Variants in SUB1 observed in about 807,000 individuals in gnomAD.
SUB1 encodes SUB1 regulator of transcription, also known as activated RNA polymerase II transcriptional coactivator p15.
A neutral mutation model predicts 16.9 loss-of-function variants in SUB1; 1 was observed. The observed-to-expected ratio is 0.06, with a 90% CI of 0.02 to 0.28. SUB1 has a LOEUF of 0.28. Ranked by LOEUF, SUB1 falls within the 10% of genes least tolerant of loss-of-function variation. SUB1 has a pLI of 1.00. For synonymous variants in SUB1, 51 were observed against 46.9 expected (o/e 1.09, Z -0.36); for missense variants, 84 against 145.2 (o/e 0.58, Z 2.16).
rs777196615 is a variant in SUB1, at chr5:32,601,093, C to T, written c.*9C>T. 2.5e-6 allele frequency: 4 copies of T among 1,607,458 alleles called. No homozygotes were observed. The highest frequency in any genetic ancestry group is 1.1e-5 in the South Asian group (1 of 90,862). ...CAGTAAGAAAACTGTAAAATTCGAGCCATATAAATAAAACCTGTACTGTTC... is the reference window on the plus strand; with the variant it reads ...CAGTAAGAAAACTGTAAAATTCGAGTCATATAAATAAAACCTGTACTGTTC... On this transcript the variant is annotated 3_prime_UTR_variant, in exon 5 of 5. Transcript: ENST00000265073.
At chr5:32,592,460 CTTGT>C (rs1738852629) in intron 3 of SUB1, among the ~76,000 whole-genome samples, 1 of 152,070 alleles carries the variant, frequency 6.6e-6, no homozygotes, top group Non-Finnish European at 1.5e-5. Context: ...GGTTTCCTGT[CTTGT>C]TTTAGGGAGA....
At chr5:32,597,426 C>G (rs890803464) in intron 3 of SUB1, 1 of 151,186 alleles carries the variant, frequency 6.6e-6, no homozygotes, top group Non-Finnish European at 1.5e-5. Flanking sequence ...TCTATTCCAC[C>G]CCCCCTCTCC....
At position 32,591,633 on chromosome 5, in the gene SUB1, C is replaced by T; in HGVS notation, c.143C>T (p.Ala48Val). Reference sequence around the variant, plus strand: ...CAAAAGACAGGTGAGACTTCGAGAGCCCTGTCATCTTCTAAACAGAGCAGC... The same window carrying T: ...CAAAAGACAGGTGAGACTTCGAGAGTCCTGTCATCTTCTAAACAGAGCAGC... ...KKQKTGETSRALSSSKQSSSS... is the reference protein window; with the variant it reads ...KKQKTGETSRVLSSSKQSSSS... The change falls in exon 3 of 5, where the codon GCC becomes GTC. Residue 48 changes from alanine (A) to valine (V), a missense_variant. Transcript: ENST00000265073. The T allele has an allele frequency of 6.2e-7, 1 of 1,609,658 alleles. No individual in the cohort carries two copies. The highest frequency in any genetic ancestry group is 8.5e-7 in the Non-Finnish European group (1 of 1,178,388).
At position 32,603,618 on chromosome 5, in the gene SUB1, A is replaced by G. The variant is rs569708134; in HGVS notation, c.*2534A>G. 2.1e-4 allele frequency: 32 copies of G among 152,264 alleles called. No homozygotes were observed. The highest frequency in any genetic ancestry group is 3.4e-3 in the Middle Eastern group (1 of 294). 9.4% of individuals were successfully genotyped at this position (152,264 alleles called of 1,614,324 possible). A position where few individuals can be genotyped will look rare whatever the true frequency, so the allele number is the denominator to read the frequency against. The stretch of plus-strand genomic sequence containing the variant: ...TGCCTAAGAACTTAAGAATACTCCT[A>G]CCTCATTAGCTACTCAAGATGCTGT... On this transcript the variant is annotated 3_prime_UTR_variant, in exon 5 of 5. Transcript: ENST00000265073.
rs750287214 is a variant in SUB1 at position 32,594,647 on chromosome 5, G to A, written c.195+2962G>A. The stretch of plus-strand genomic sequence containing the variant: ...GGTGTGTGAGTGAACATTGCAGCCC[G>A]AGCTCTGCCTCCTGTCAGATCAGCA... On this transcript the variant is annotated intron_variant, in intron 3 of 4. Coordinates refer to ENST00000265073, the MANE Select transcript of SUB1 (RefSeq NM_006713.4). 48 of 451,612 alleles carry A rather than the reference G, an allele frequency of 1.1e-4. No homozygotes were observed. In the East Asian group the frequency reaches 3.3e-3, roughly 31 times the overall value. The allele number at this position is 451,612 out of a possible 1,614,324, so 28.0% of individuals were successfully genotyped here.
intron 2 of SUB1, among the ~76,000 whole-genome samples, chr5:32,589,987 C>G (rs114144594): frequency 0.013 from 2,025 of 152,130 alleles, 54 homozygotes; most frequent in African/African-American, 0.047. Flanking sequence ...AATAAGGCTT[C>G]AAAGACTATA....
intron 3 of SUB1, chr5:32,597,804 T>C (rs772651114): frequency 7.2e-5 from 11 of 152,184 alleles, no homozygotes; most frequent in Non-Finnish European, 1.0e-4. Context: ...AGTTAACATA[T>C]ATTTGTATGT....
chr5:32,590,175 C>T (rs962676172), intron 2 of SUB1, among the ~76,000 whole-genome samples: 12 of 152,098 alleles, frequency 7.9e-5, no homozygotes, highest in African/African-American at 2.9e-4. Context: ...TTGTTTGTCC[C>T]AAATAGTAAT....
intron 2 of SUB1, among the ~76,000 whole-genome samples, chr5:32,590,494 A>ATT (rs769991776): frequency 2.1e-5 from 3 of 142,810 alleles, no homozygotes; most frequent in Non-Finnish European, 3.1e-5. Flanking sequence ...GTCTACAATG[A>ATT]TTTTTTTTTT....
chr5:32,596,222 T>A (rs1738959967), intron 3 of SUB1: 1 of 152,246 alleles, frequency 6.6e-6, no homozygotes, highest in African/African-American at 2.4e-5. Flanking sequence ...AATGAGGTCC[T>A]CACGGATTCT....
rs552165422 is a variant in SUB1 at position 32,599,128 on chromosome 5, A to C, written c.304+59A>C. 6 of 1,260,014 alleles carry C rather than the reference A, an allele frequency of 4.8e-6. No individual in the cohort carries two copies. In the African/African-American group the frequency reaches 9.0e-5, roughly 19 times the overall value. 78.1% of individuals were successfully genotyped at this position (1,260,014 alleles called of 1,614,324 possible). On this transcript the variant is annotated intron_variant, in intron 4 of 4. Coordinates refer to ENST00000265073, the MANE Select transcript of SUB1 (RefSeq NM_006713.4). ...TTAGGACTAAACGACAACTTTTCTG[A>C]GTAGCTTACTTGAAATGTTGGCAGG...
chr5:32,585,664 C>T (rs1476453825), intron 1 of SUB1, 39 bp downstream of exon 1: 2 of 152,380 alleles, frequency 1.3e-5, no homozygotes, highest in African/African-American at 2.4e-5. Flanking sequence ...TCCTCGGGGC[C>T]CCCACCCTCC....
intron 2 of SUB1, among the ~76,000 whole-genome samples, chr5:32,589,853 CTT>C (rs72415836): frequency 0.075 from 11,235 of 149,614 alleles, 1,146 homozygotes; most frequent in African/African-American, 0.23. Context: ...GGCTCCCTAT[CTT>C]TTTTTTTTCC....
intron 3 of SUB1, among the ~76,000 whole-genome samples, chr5:32,593,697 C>CTTTT (rs888452800): frequency 2.1e-5 from 3 of 143,434 alleles, no homozygotes; most frequent in African/African-American, 7.6e-5. Context: ...GTCATCTTTT[C>CTTTT]TTTTTTTTTT....
In SUB1 at chr5:32,585,607, T is replaced by G. The variant is rs1738631383; in HGVS notation, c.-20T>G. 6.6e-6 allele frequency: 1 copy of G among 152,248 alleles called. No individual in the cohort carries two copies. The highest frequency in any genetic ancestry group is 2.4e-5 in the African/African-American group (1 of 41,458). 9.4% of individuals were successfully genotyped at this position (152,248 alleles called of 1,614,324 possible). A position where few individuals can be genotyped will look rare whatever the true frequency, so the allele number is the denominator to read the frequency against. On this transcript the variant is annotated 5_prime_UTR_variant, in exon 1 of 5. Transcript: ENST00000265073. ...GCGAACGACCAAGAGGGTGTTCGAC[T>G]GCTAGAGCCGAGCGAAGCGTGAGTG...
intron 4 of SUB1, among the ~76,000 whole-genome samples, chr5:32,599,595 G>C (rs1739066631): frequency 6.6e-6 from 1 of 152,158 alleles, no homozygotes; most frequent in South Asian, 2.1e-4. Context: ...TGTATATTTG[G>C]ATTGCTGCTC....
At position 32,603,680 on chromosome 5, in the gene SUB1, C is replaced by G. The variant is rs1021660690; in HGVS notation, c.*2596C>G. 2.6e-5 allele frequency: 4 copies of G among 152,134 alleles called. No homozygotes were observed. Among genetic ancestry groups the G allele is most frequent in the Non-Finnish European group, 4.4e-5 (3 of 67,982 alleles). The allele number at this position is 152,134 out of a possible 1,614,324, so 9.4% of individuals were successfully genotyped here. A position where few individuals can be genotyped will look rare whatever the true frequency, so the allele number is the denominator to read the frequency against. On this transcript the variant is annotated 3_prime_UTR_variant, in exon 5 of 5. Coordinates refer to ENST00000265073, the MANE Select transcript of SUB1 (RefSeq NM_006713.4). ...CTATTCTACATAATGCGTTTAGAAACAAAGACTTGGGTGAAAAATGAAATA... is the reference window on the plus strand; with the variant it reads ...CTATTCTACATAATGCGTTTAGAAAGAAAGACTTGGGTGAAAAATGAAATA...
chr5:32,603,430 A>G lies in SUB1; in HGVS notation c.*2346A>G, dbSNP rs1230366915. On this transcript the variant is annotated 3_prime_UTR_variant, in exon 5 of 5. Transcript: ENST00000265073. ...CAGTACTCAGGTTTTTCCCTTTAAC[A>G]GACTCTATGTGTATCAGGGCTTTCT... The G allele has an allele frequency of 6.6e-6, 1 of 152,156 alleles. No homozygotes were observed. The highest frequency in any genetic ancestry group is 1.5e-5 in the Non-Finnish European group (1 of 67,994). 9.4% of individuals were successfully genotyped at this position (152,156 alleles called of 1,614,324 possible).
chr5:32,596,924 G>A (rs919858819), intron 3 of SUB1: 1 of 152,168 alleles, frequency 6.6e-6, no homozygotes, highest in African/African-American at 2.4e-5. Flanking sequence ...AATTTTCTGT[G>A]AATATTTTTA....
Sources: gnomAD v4.1 joint callset for allele counts (sites outside exome capture counted in the v4.1 genomes callset) on GRCh38, gnomAD v4.1.1 for gene constraint, MANE v1.5 for transcripts, NCBI Gene and HGNC (gene_info 2026-07-23, HGNC 2026-07-21) for gene names.